DLG2: variants seen among roughly 807,000 people sequenced by gnomAD.
DLG2 encodes the protein discs large MAGUK scaffold protein 2.
A neutral mutation model predicts 132.5 loss-of-function variants in DLG2; 45 were observed. The observed-to-expected ratio is 0.34, with a 90% CI of 0.27 to 0.44. The LOEUF (loss-of-function observed/expected upper bound fraction) is 0.44. DLG2 is among the 20% of genes least tolerant of loss of function. The pLI, the probability that DLG2 is intolerant of heterozygous loss-of-function variation, is 1.00. For synonymous variants in DLG2, 424 were observed against 419.6 expected, an observed-to-expected ratio of 1.01 and a Z score of -0.13; for missense variants, 1,045 against 1,196.9, an observed-to-expected ratio of 0.87 and a Z score of 1.87.
chr11:85,619,265 A>G (rs1320210271), intron 2 of DLG2, among the ~76,000 whole-genome samples: 1 of 152,110 alleles, frequency 6.6e-6, no homozygotes, highest in Non-Finnish European at 1.5e-5. Flanking sequence ...GCAGTCTCAA[A>G]CTCCTGGGCT....
Position 84,270,333 on chromosome 11 carries a change from C to G in DLG2, c.520-19042G>C, listed in dbSNP as rs368629030. Among the ~76,000 whole-genome samples, 24 of 152,322 alleles carry G rather than the reference C, an allele frequency of 1.6e-4. 1 individual carries two copies. Among genetic ancestry groups the G allele is most frequent in the African/African-American group, 5.3e-4 (22 of 41,586 alleles). ...TTTGCACTTGTGGCTCTTGGATCAG[C>G]AGATGAACTTGCTTGAGACTCCAGA... is the stretch of plus-strand genomic sequence containing the variant. On this transcript the variant is annotated intron_variant, in intron 7 of 27. Transcript: ENST00000376104.
At chr11:85,132,930 G>T (rs549319701) in intron 5 of DLG2, 14 of 428,444 alleles carry the variant, frequency 3.3e-5, no homozygotes, top group South Asian at 2.3e-4. Context: ...TTCCAAGGGG[G>T]CCCCTCATGG....
At chr11:84,759,299 G>A (rs564939885) in intron 6 of DLG2, among the ~76,000 whole-genome samples, 1 of 152,156 alleles carries the variant, frequency 6.6e-6, no homozygotes, top group Non-Finnish European at 1.5e-5. Flanking sequence ...GGCTAAAGGG[G>A]AAGAAAGATA....
chr11:85,422,654 C>T (rs1426256054), intron 3 of DLG2, among the ~76,000 whole-genome samples: 1 of 151,902 alleles, frequency 6.6e-6, no homozygotes, highest in African/African-American at 2.4e-5. Context: ...CCACATCTGG[C>T]TGATTTTTGT....
intron 6 of DLG2, among the ~76,000 whole-genome samples, chr11:84,706,254 G>A (rs1265646902): frequency 6.6e-6 from 1 of 151,820 alleles, no homozygotes; most frequent in East Asian, 1.9e-4. Flanking sequence ...ATATTTATAT[G>A]CAATGATTAA....
At chr11:83,947,642 G>T (rs535303997) in intron 14 of DLG2, among the ~76,000 whole-genome samples, 3 of 152,216 alleles carry the variant, frequency 2.0e-5, no homozygotes, top group African/African-American at 7.2e-5. Flanking sequence ...TTTGTGCCAG[G>T]CTCTGTTTGA....
At chr11:85,414,106 C>G (rs557489919) in intron 3 of DLG2, among the ~76,000 whole-genome samples, 3 of 151,988 alleles carry the variant, frequency 2.0e-5, no homozygotes, top group South Asian at 2.1e-4. Flanking sequence ...CTTGTAGAGG[C>G]CTTTCACCTC....
intron 9 of DLG2, among the ~76,000 whole-genome samples, chr11:84,124,789 C>A (rs1376782369): frequency 1.3e-5 from 2 of 149,592 alleles, no homozygotes; most frequent in East Asian, 2.0e-4. Context: ...ATAGTGCCAA[C>A]ATTTTTTTGC....
Position 85,484,451 on chromosome 11 carries a change from A to C in DLG2, c.40+114206T>G, listed in dbSNP as rs534318582. Among the ~76,000 whole-genome samples, 253 of 151,438 alleles carry C rather than the reference A, an allele frequency of 1.7e-3. 1 individual carries two copies. The highest frequency in any genetic ancestry group is 6.0e-3 in the African/African-American group (246 of 41,124). ...GGGAGAAAATATTCGCAACCTACTC[A>C]TCTGACAAAGGGCTAATATCCAGAA... On this transcript the variant is annotated intron_variant, in intron 3 of 27. Transcript: ENST00000376104.
intron 3 of DLG2, among the ~76,000 whole-genome samples, chr11:85,503,318 G>A (rs1211179874): frequency 6.6e-6 from 1 of 151,974 alleles, no homozygotes; most frequent in Non-Finnish European, 1.5e-5. Flanking sequence ...AAATTCTAAT[G>A]ACAATATATA....
chr11:84,554,920 C>T (rs544792315), intron 6 of DLG2, among the ~76,000 whole-genome samples: 61 of 152,050 alleles, frequency 4.0e-4, no homozygotes, highest in Admixed American at 2.9e-3. Context: ...GGGTAAGCTG[C>T]CTTTCAAATG....
chr11:84,207,129 A>G (rs1427415998), intron 8 of DLG2, among the ~76,000 whole-genome samples: 1 of 151,818 alleles, frequency 6.6e-6, no homozygotes, highest in Non-Finnish European at 1.5e-5. Flanking sequence ...ACTGAAAATT[A>G]CAAAATACTG....
intron 3 of DLG2, among the ~76,000 whole-genome samples, chr11:85,486,395 A>C (rs2093430169): frequency 6.6e-6 from 1 of 152,144 alleles, no homozygotes; most frequent in Admixed American, 6.5e-5. Flanking sequence ...CCACCAGTAC[A>C]CTGGAAATCA....
chr11:84,985,556 A>G (rs1184453215), intron 6 of DLG2, among the ~76,000 whole-genome samples: 2 of 152,186 alleles, frequency 1.3e-5, no homozygotes, highest in Non-Finnish European at 2.9e-5. Context: ...ATCTAAGGTC[A>G]CACCTCAAGA....
At position 84,953,822 on chromosome 11, in the gene DLG2, C is replaced by T. The variant is rs2051271209; in HGVS notation, c.357+157839G>A. ...AGCCTACAAGTCTCCCCTTGTTATC[C>T]AATACAGCCTTATTTCTCACCACCG... On this transcript the variant is annotated intron_variant, in intron 6 of 27. Transcript: ENST00000376104. Among the ~76,000 whole-genome samples the T allele has an allele frequency of 3.3e-5, 5 of 152,208 alleles. No homozygotes were observed. In the South Asian group the frequency reaches 1.0e-3, roughly 32 times the overall value.
intron 7 of DLG2, among the ~76,000 whole-genome samples, chr11:84,274,553 C>T (rs1168927809): frequency 6.6e-6 from 1 of 152,152 alleles, no homozygotes; most frequent in Non-Finnish European, 1.5e-5. Flanking sequence ...ACCTAGTTTT[C>T]CTCCATTTGT....
At chr11:83,937,038 A>T (rs1376422399) in intron 14 of DLG2, among the ~76,000 whole-genome samples, 3 of 152,206 alleles carry the variant, frequency 2.0e-5, no homozygotes, top group Non-Finnish European at 4.4e-5. Flanking sequence ...CACTTTTGTA[A>T]ACCTGCTTTT....
intron 6 of DLG2, among the ~76,000 whole-genome samples, chr11:85,090,272 G>A (rs1248788729): frequency 6.6e-6 from 1 of 152,126 alleles, no homozygotes; most frequent in Non-Finnish European, 1.5e-5. Context: ...TCCCTAATGG[G>A]TAAAACTTTC....
chr11:84,303,718 T>G (rs923956414), intron 7 of DLG2, among the ~76,000 whole-genome samples: 2 of 152,100 alleles, frequency 1.3e-5, no homozygotes, highest in Non-Finnish European at 2.9e-5. Flanking sequence ...CAGAATTGAA[T>G]AAGAATCTGA....
Sources: gnomAD v4.1 joint callset for allele counts (sites outside exome capture counted in the v4.1 genomes callset) on GRCh38, gnomAD v4.1.1 for gene constraint, MANE v1.5 for transcripts, NCBI Gene and HGNC (gene_info 2026-07-23, HGNC 2026-07-21) for gene names.